ESCO1: variants seen among roughly 807,000 people sequenced by gnomAD.
ESCO1 encodes establishment of sister chromatid cohesion N-acetyltransferase 1.
A neutral mutation model predicts 83.5 loss-of-function variants in ESCO1; 33 were observed. That is an observed-to-expected ratio of 0.40 (90% CI 0.30 to 0.53). The LOEUF (loss-of-function observed/expected upper bound fraction) is 0.53, where lower values mean the gene tolerates loss of function less well. ESCO1 is among the 20% of genes least tolerant of loss of function. ESCO1 has a pLI of 0.63. For synonymous variants in ESCO1, 332 were observed against 324.3 expected (o/e 1.02, Z -0.25); for missense variants, 855 against 968.0 (o/e 0.88, Z 1.55).
chr18:21,566,096 A>C, intron 6 of ESCO1, 50 bp downstream of exon 6: 1 of 1,559,916 alleles, frequency 6.4e-7, no homozygotes, highest in Non-Finnish European at 8.8e-7. Context: ...CCTAAACTCA[A>C]AACTTGTAAG....
chr18:21,540,093 A>G, intron 8 of ESCO1, 84 bp from the exon 9 acceptor site: 8 of 1,189,676 alleles, frequency 6.7e-6, no homozygotes, highest in Non-Finnish European at 9.3e-6. Context: ...CGTACAAGAT[A>G]AAAAGTACAT....
At chr18:21,538,180 G>T (rs1255452855) in intron 9 of ESCO1, among the ~76,000 whole-genome samples, 3 of 151,696 alleles carry the variant, frequency 2.0e-5, no homozygotes, top group African/African-American at 7.3e-5. Flanking sequence ...GGCTGGGCAG[G>T]GTGGCTCACG....
At chr18:21,582,618 T>TG (rs2038517893) in intron 2 of ESCO1, among the ~76,000 whole-genome samples, 1 of 152,182 alleles carries the variant, frequency 6.6e-6, no homozygotes, top group African/African-American at 2.4e-5. Flanking sequence ...AGGGCAAAAC[T>TG]GGGGAAAAAT....
intron 8 of ESCO1, among the ~76,000 whole-genome samples, chr18:21,550,299 T>G (rs1431539833): frequency 6.6e-6 from 1 of 152,218 alleles, no homozygotes; most frequent in East Asian, 1.9e-4. Flanking sequence ...CAGTTATTAT[T>G]TAGTTAACTG....
chr18:21,573,170 T>C (rs1381436155), intron 4 of ESCO1, 144 bp downstream of exon 4: 3 of 756,360 alleles, frequency 4.0e-6, no homozygotes, highest in Non-Finnish European at 6.0e-6. Context: ...ACTGGGTTAA[T>C]AAAACTCTCG....
At chr18:21,578,056 C>T (rs1286862939) in intron 2 of ESCO1, among the ~76,000 whole-genome samples, 1 of 152,128 alleles carries the variant, frequency 6.6e-6, no homozygotes, top group African/African-American at 2.4e-5. Context: ...GACACACACA[C>T]AAACACACAC....
chr18:21,579,745 C>A (rs2038467449), intron 2 of ESCO1, among the ~76,000 whole-genome samples: 1 of 149,990 alleles, frequency 6.7e-6, no homozygotes, highest in African/African-American at 2.5e-5. Flanking sequence ...CACTGTACTC[C>A]AGCCTGGGCA....
chr18:21,541,554 T>C (rs900933868), intron 8 of ESCO1, among the ~76,000 whole-genome samples: 12 of 142,284 alleles, frequency 8.4e-5, no homozygotes, highest in African/African-American at 1.6e-4. Flanking sequence ...GTTCGCGCCA[T>C]TGCACTCCAG....
chr18:21,561,910 G>A (rs2038191155), intron 7 of ESCO1, among the ~76,000 whole-genome samples: 1 of 151,000 alleles, frequency 6.6e-6, no homozygotes, highest in South Asian at 2.1e-4. Context: ...ACAGAGTCTT[G>A]CTCTGTCACC....
rs61503858 is a variant in ESCO1 at position 21,548,520 on chromosome 18, A to G, written c.1954-8511T>C. Reference sequence around the variant, plus strand: ...CAAAAAAAGCAAAAATAAAAAGGCCAGGGGGGTGGTGGATCATGCCTGTAA... The same window carrying G: ...CAAAAAAAGCAAAAATAAAAAGGCCGGGGGGGTGGTGGATCATGCCTGTAA... On this transcript the variant is annotated intron_variant, in intron 8 of 11. Coordinates refer to ENST00000269214, the MANE Select transcript of ESCO1 (RefSeq NM_052911.3). Among the ~76,000 whole-genome samples, 859 of 151,748 alleles carry G rather than the reference A, an allele frequency of 5.7e-3. 10 individuals carry two copies. Among genetic ancestry groups the G allele is most frequent in the African/African-American group, 0.02 (830 of 41,406 alleles).
At chr18:21,557,712 T>C (rs1172656333) in intron 8 of ESCO1, among the ~76,000 whole-genome samples, 3 of 152,140 alleles carry the variant, frequency 2.0e-5, no homozygotes, top group Non-Finnish European at 4.4e-5. Flanking sequence ...ACACATACAT[T>C]GTTCTTTGGC....
chr18:21,541,705 C>T (rs1458311935), intron 8 of ESCO1, among the ~76,000 whole-genome samples: 1 of 151,618 alleles, frequency 6.6e-6, no homozygotes, highest in African/African-American at 2.4e-5. Context: ...AAACAAATTT[C>T]TATTACTAAT....
intron 9 of ESCO1, among the ~76,000 whole-genome samples, chr18:21,539,473 G>A (rs1356818272): frequency 6.6e-6 from 1 of 152,136 alleles, no homozygotes; most frequent in Non-Finnish European, 1.5e-5. Flanking sequence ...TTTGAATTGG[G>A]TTATACCCTT....
Position 21,574,680 on chromosome 18 carries a change from C to T in ESCO1, c.164G>A (p.Ser55Asn), listed in dbSNP as rs1408715509. Residue 55 changes from serine (S) to asparagine (N), a missense_variant, in exon 4 of 12, where the codon AGT becomes AAT. Coordinates refer to ENST00000269214, the MANE Select transcript of ESCO1 (RefSeq NM_052911.3). ...TTCCAATTCTGGCTGATTTATTTTA[C>T]TTTCACTGGAAGATTTAGCCTGTGA... ...IKSQAKSSSESKINQPELETR... is the reference protein window; with the variant it reads ...IKSQAKSSSENKINQPELETR... 45 of 1,613,498 alleles carry T rather than the reference C, an allele frequency of 2.8e-5. No homozygotes were observed. The highest frequency in any genetic ancestry group is 3.7e-5 in the Non-Finnish European group (44 of 1,179,992).
At chr18:21,588,443 TAA>T (rs71371361) in intron 1 of ESCO1, among the ~76,000 whole-genome samples, 4 of 141,690 alleles carry the variant, frequency 2.8e-5, no homozygotes, top group African/African-American at 5.2e-5. Flanking sequence ...TACTTTACTC[TAA>T]AAAAAAAAAA....
At position 21,529,610 on chromosome 18, in the gene ESCO1, A is replaced by C. The variant is rs1477658021; in HGVS notation, c.*733T>G. ...TGCCATTTATTTTAAAAGTGAAACC[A>C]GAATGAAAGAATAATGAATCTAGGA... is the stretch of plus-strand genomic sequence containing the variant. On this transcript the variant is annotated 3_prime_UTR_variant, in exon 12 of 12. Transcript: ENST00000269214. 1 of 152,304 alleles carries C rather than the reference A, an allele frequency of 6.6e-6. No individual in the cohort carries two copies. The highest frequency in any genetic ancestry group is 2.4e-5 in the African/African-American group (1 of 41,568). 9.4% of individuals were successfully genotyped at this position (152,304 alleles called of 1,614,324 possible). A position where few individuals can be genotyped will look rare whatever the true frequency, so the allele number is the denominator to read the frequency against.
intron 8 of ESCO1, among the ~76,000 whole-genome samples, chr18:21,553,359 C>T (rs1392842188): frequency 6.7e-6 from 1 of 148,226 alleles, no homozygotes; most frequent in African/African-American, 2.5e-5. Flanking sequence ...TGTAATCCAG[C>T]ACTTTGGGAT....
At chr18:21,591,787 T>C (rs2038673777) in intron 1 of ESCO1, among the ~76,000 whole-genome samples, 1 of 152,002 alleles carries the variant, frequency 6.6e-6, no homozygotes. Context: ...AACAAAGGTC[T>C]CTGGTTTTCC....
At chr18:21,579,108 C>T (rs1289597808) in intron 2 of ESCO1, among the ~76,000 whole-genome samples, 2 of 152,130 alleles carry the variant, frequency 1.3e-5, no homozygotes, top group Non-Finnish European at 2.9e-5. Flanking sequence ...GAACTGCCTG[C>T]CTCGGCCTCC....
Sources: gnomAD v4.1 joint callset for allele counts (sites outside exome capture counted in the v4.1 genomes callset) on GRCh38, gnomAD v4.1.1 for gene constraint, MANE v1.5 for transcripts, NCBI Gene and HGNC (gene_info 2026-07-23, HGNC 2026-07-21) for gene names.